ZNF519: variants seen among roughly 807,000 people sequenced by gnomAD.
The protein encoded by ZNF519 is similar to Zinc finger protein 85 (Zinc finger protein HPF4) (HTF1).
A neutral mutation model predicts 7.4 loss-of-function variants in ZNF519; 7 were observed. That is an observed-to-expected ratio of 0.94 (90% CI 0.54 to 1.77). The LOEUF is 1.77. ZNF519 is among the 40% of genes most tolerant of loss of function. The pLI is 0.00. For missense variants in ZNF519, 586 were observed against 623.1 expected (o/e 0.94, Z 0.63); for synonymous variants, 179 against 203.3 (o/e 0.88, Z 1.02).
In ZNF519 at chr18:14,104,818, A is replaced by T. The variant is rs1383999042; in HGVS notation, c.*99T>A. 1 of 1,273,944 alleles carries T rather than the reference A, an allele frequency of 7.8e-7. No individual in the cohort carries two copies. Among genetic ancestry groups the T allele is most frequent in the Non-Finnish European group, 1.0e-6 (1 of 955,108 alleles). The allele number at this position is 1,273,944 out of a possible 1,614,324, so 78.9% of individuals were successfully genotyped here. A position where few individuals can be genotyped will look rare whatever the true frequency, so the allele number is the denominator to read the frequency against. ...TCATTTTGATGTTTCAAAAATCATT[A>T]CACATATGGGATTTCTATCCAGTAT... is the stretch of plus-strand genomic sequence containing the variant. On this transcript the variant is annotated 3_prime_UTR_variant, in exon 3 of 3. Transcript: ENST00000590202.
At chr18:14,126,150 G>T (rs1361140548) in intron 1 of ZNF519, among the ~76,000 whole-genome samples, 1 of 152,162 alleles carries the variant, frequency 6.6e-6, no homozygotes, top group Non-Finnish European at 1.5e-5. Flanking sequence ...TTTCAGTGTG[G>T]GATCAGACCT....
intron 1 of ZNF519, among the ~76,000 whole-genome samples, chr18:14,131,470 G>C (rs1428272634): frequency 1.3e-5 from 2 of 152,210 alleles, no homozygotes; most frequent in Non-Finnish European, 2.9e-5. Flanking sequence ...TGGCAGAACA[G>C]AGTAGTGGAT....
Position 14,106,178 on chromosome 18 carries a change from T to C in ZNF519, c.362A>G (p.Tyr121Cys), listed in dbSNP as rs2046190563. The C allele has an allele frequency of 6.2e-7, 1 of 1,612,802 alleles. No individual in the cohort carries two copies. Among genetic ancestry groups the C allele is most frequent in the South Asian group, 1.1e-5 (1 of 90,836 alleles). ...KHLTVKGDKE[Y>C]RIFQKKPQFL... Reference sequence around the variant, plus strand: ...CTGAGGCTTCTTCTGAAATATTCTATATTCTTTGTCTCCTTTCACAGTTAA... The same window carrying C: ...CTGAGGCTTCTTCTGAAATATTCTACATTCTTTGTCTCCTTTCACAGTTAA... The change falls in exon 3 of 3, where the codon TAT becomes TGT. Residue 121 changes from tyrosine (Y) to cysteine (C), a missense_variant. Transcript: ENST00000590202.
chr18:14,088,758 T>A (rs1480674263), intron 2 of ZNF519, among the ~76,000 whole-genome samples: 1 of 152,214 alleles, frequency 6.6e-6, no homozygotes, highest in Non-Finnish European at 1.5e-5. Flanking sequence ...TACTTTAATT[T>A]CTTTATTTTA....
chr18:14,113,663 TG>T (rs2046232836), intron 2 of ZNF519, among the ~76,000 whole-genome samples: 1 of 151,998 alleles, frequency 6.6e-6, no homozygotes. Flanking sequence ...TACCTAGGAT[TG>T]GGGTTGCTAG....
chr18:14,129,264 C>T (rs1296459358), intron 1 of ZNF519, among the ~76,000 whole-genome samples: 1 of 152,132 alleles, frequency 6.6e-6, no homozygotes, highest in African/African-American at 2.4e-5. Context: ...GTCTTCTAGG[C>T]ACCTGTGTAT....
In ZNF519 at chr18:14,100,489, C is replaced by T. The variant is rs2046155518; in HGVS notation, c.*4428G>A. ...AACATCCACACATGAAAACCCACAG[C>T]AATAACAAAAGGAACAAACTAAAAC... On this transcript the variant is annotated 3_prime_UTR_variant, in exon 3 of 3. Transcript: ENST00000590202. 1 of 152,078 alleles carries T rather than the reference C, an allele frequency of 6.6e-6. No individual in the cohort carries two copies. Among genetic ancestry groups the T allele is most frequent in the Non-Finnish European group, 1.5e-5 (1 of 68,010 alleles). The allele number at this position is 152,078 out of a possible 1,614,324, so 9.4% of individuals were successfully genotyped here.
At chr18:14,121,010 G>A (rs988460224) in intron 2 of ZNF519, among the ~76,000 whole-genome samples, 2 of 151,990 alleles carry the variant, frequency 1.3e-5, no homozygotes, top group Non-Finnish European at 2.9e-5. Flanking sequence ...TCAGCCATAA[G>A]AGAAGGAAAT....
intron 4 of ZNF519, among the ~76,000 whole-genome samples, chr18:14,077,881 G>A (rs9945711): frequency 0.022 from 3,357 of 152,276 alleles, 125 homozygotes; most frequent in African/African-American, 0.074. Context: ...TCATACAATA[G>A]ACTGGTAAAG....
chr18:14,089,739 T>C (rs2046106490), intron 2 of ZNF519, among the ~76,000 whole-genome samples: 1 of 152,190 alleles, frequency 6.6e-6, no homozygotes, highest in African/African-American at 2.4e-5. Flanking sequence ...TTTTACTATA[T>C]TTTAATTTTA....
intron 1 of ZNF519, among the ~76,000 whole-genome samples, chr18:14,126,884 G>A (rs1221244566): frequency 6.6e-6 from 1 of 152,186 alleles, no homozygotes; most frequent in Non-Finnish European, 1.5e-5. Flanking sequence ...AAAATTCACA[G>A]GTGCTGGTGA....
intron 3 of ZNF519, chr18:14,080,297 T>C (rs1367531790): frequency 6.8e-6 from 1 of 147,758 alleles, no homozygotes; most frequent in Non-Finnish European, 1.5e-5. Flanking sequence ...TACAGCCAGT[T>C]TGGATGACAA....
At chr18:14,096,333 G>A (rs2046136674), downstream of ZNF519, among the ~76,000 whole-genome samples, 1 of 152,098 alleles carries the variant, frequency 6.6e-6, no homozygotes, top group Admixed American at 6.5e-5. Context: ...TTTCTCACCT[G>A]AATTCCTTGG....
At chr18:14,111,883 A>G (rs1362637096) in intron 2 of ZNF519, among the ~76,000 whole-genome samples, 1 of 152,224 alleles carries the variant, frequency 6.6e-6, no homozygotes, top group Non-Finnish European at 1.5e-5. Flanking sequence ...AACTATTCCA[A>G]AACAGAGGAG....
intron 2 of ZNF519, chr18:14,089,931 G>C (rs1252782207): frequency 5.3e-5 from 8 of 152,256 alleles, no homozygotes; most frequent in Admixed American, 3.3e-4. Flanking sequence ...TAGGATCCAC[G>C]GTTACCGGGC....
chr18:14,072,638 A>G (rs887300623), downstream of ZNF519: 1 of 152,108 alleles, frequency 6.6e-6, no homozygotes, highest in African/African-American at 2.4e-5. Flanking sequence ...TATATTCTCT[A>G]GGTTTAATCT....
chr18:14,119,920 C>T (rs1040497142), intron 2 of ZNF519, among the ~76,000 whole-genome samples: 4 of 152,062 alleles, frequency 2.6e-5, no homozygotes, highest in African/African-American at 9.7e-5. Context: ...TGATGACAGA[C>T]ATTAAAGTAG....
intron 3 of ZNF519, among the ~76,000 whole-genome samples, chr18:14,079,455 CA>C (rs1266750930): frequency 1.3e-5 from 2 of 152,044 alleles, no homozygotes; most frequent in Non-Finnish European, 2.9e-5. Flanking sequence ...ATTGCCAACA[CA>C]ATATTGTAGG....
rs557752774 is a variant in ZNF519, at chr18:14,085,644, C to T, written c.131-568G>A. The stretch of plus-strand genomic sequence containing the variant: ...GACAGAGTCTCACTGCTCACCTCAG[C>T]GCTTCCCCAACTCCAGGCAGTGCAG... On this transcript the variant is annotated intron_variant and NMD_transcript_variant, in intron 2 of 4. Transcript: ENST00000587419. Among the ~76,000 whole-genome samples, 6 of 152,266 alleles carry T rather than the reference C, an allele frequency of 3.9e-5. No homozygotes were observed. In the South Asian group the frequency reaches 6.2e-4, roughly 16 times the overall value.
Sources: allele counts gnomAD v4.1 joint callset (sites outside exome capture counted in the v4.1 genomes callset), GRCh38; gene constraint gnomAD v4.1.1; transcripts MANE v1.5; gene names NCBI Gene and HGNC (gene_info 2026-07-23, HGNC 2026-07-21).